Variants in TTLL9 observed in about 807,000 individuals in gnomAD.
TTLL9 encodes tubulin tyrosine ligase like 9, also known as probable tubulin polyglutamylase TTLL9.
Under a neutral mutation model 65.6 loss-of-function variants are expected in TTLL9, and 47 were observed. That is an observed-to-expected ratio of 0.72 (90% CI 0.57 to 0.91). The LOEUF (loss-of-function observed/expected upper bound fraction) is 0.91, where lower values mean the gene tolerates loss of function less well. Ranked by LOEUF, TTLL9 falls within the 40% of genes least tolerant of loss-of-function variation. TTLL9 has a pLI of 0.00. For synonymous variants in TTLL9, 179 were observed against 204.8 expected (o/e 0.87, Z 1.07); for missense variants, 537 against 568.8 (o/e 0.94, Z 0.57).
At chr20:31,933,060 T>G (rs115148411) in intron 10 of TTLL9, among the ~76,000 whole-genome samples, 1,900 of 152,266 alleles carry the variant, frequency 0.012, 34 homozygotes, top group African/African-American at 0.043. Flanking sequence ...GTGAAGATGT[T>G]GAGGAAGGAG....
intron 2 of TTLL9, among the ~76,000 whole-genome samples, chr20:31,885,655 C>T (rs992275951): frequency 3.3e-5 from 5 of 152,198 alleles, no homozygotes; most frequent in Admixed American, 2.6e-4. Context: ...GTTTCCTCCA[C>T]TCCTCTCCGC....
chr20:31,932,870 C>T (rs965471903), intron 10 of TTLL9, among the ~76,000 whole-genome samples: 4 of 152,226 alleles, frequency 2.6e-5, no homozygotes, highest in African/African-American at 4.8e-5. Flanking sequence ...GTGGTGGGCA[C>T]CTGTAATCCC....
chr20:31,904,482 T>C (rs574278961), intron 4 of TTLL9, among the ~76,000 whole-genome samples: 2 of 148,494 alleles, frequency 1.3e-5, no homozygotes, highest in East Asian at 4.1e-4. Flanking sequence ...CTCGGCCCCC[T>C]GAGTAGTTGG....
rs753855660 is a variant in TTLL9 at position 31,909,789 on chromosome 20, T to C, written c.371T>C (p.Leu124Pro). 1 of 1,614,196 alleles carries C rather than the reference T, an allele frequency of 6.2e-7. No individual in the cohort carries two copies. The highest frequency in any genetic ancestry group is 8.5e-7 in the Non-Finnish European group (1 of 1,180,044). The change falls in exon 6 of 15, where the codon CTG becomes CCG. Residue 124 changes from leucine to proline, a missense_variant. By Grantham distance (98) the Leu-to-Pro change is moderately conservative. Around this residue, in one of 3 missense-constraint regions of TTLL9, gnomAD observed 320 missense variants for 311.0 expected, o/e 1.03. Coordinates refer to ENST00000535842, the MANE Select transcript of TTLL9 (RefSeq NM_001008409.5). ...AACCTGAAGCGGTTCCGGAAGCAGC[T>C]GGAGCGTGAGGCAGGAAAGCTGGAG... is the stretch of plus-strand genomic sequence containing the variant. ...VKNLKRFRKQLEREAGKLEAA... is the reference protein window; with the variant it reads ...VKNLKRFRKQPEREAGKLEAA...
intron 4 of TTLL9, among the ~76,000 whole-genome samples, chr20:31,906,999 A>T (rs11907380): frequency 6.6e-6 from 1 of 152,174 alleles, no homozygotes; most frequent in Admixed American, 6.5e-5. Context: ...TGTTCACCCA[A>T]TGGAATGGGA....
intron 8 of TTLL9, among the ~76,000 whole-genome samples, chr20:31,923,410 G>T (rs1024239401): frequency 1.3e-5 from 2 of 152,174 alleles, no homozygotes; most frequent in African/African-American, 2.4e-5. Flanking sequence ...TGATGAGCAG[G>T]CTGCAATAAA....
At chr20:31,932,492 A>G (rs912263158) in intron 10 of TTLL9, among the ~76,000 whole-genome samples, 4 of 151,552 alleles carry the variant, frequency 2.6e-5, no homozygotes, top group Non-Finnish European at 5.9e-5. Context: ...AAAAGGTCTA[A>G]AGAAGACGTC....
At chr20:31,920,018 C>CA (rs1330876582) in intron 7 of TTLL9, 86 bp downstream of exon 7, 2 of 1,254,818 alleles carry the variant, frequency 1.6e-6, no homozygotes, top group African/African-American at 3.1e-5. Flanking sequence ...AATCAAAGCT[C>CA]AGAGGGCTGG....
At position 31,882,845 on chromosome 20, in the gene TTLL9, C is replaced by T. The variant is rs78252992; in HGVS notation, c.70-4351C>T. ...AACATCCTTTGAACTGTATAGCTGA[C>T]CTGTTTATGTGGAGGGGTAAGGATT... On this transcript the variant is annotated intron_variant, in intron 2 of 14. Coordinates refer to ENST00000535842, the MANE Select transcript of TTLL9 (RefSeq NM_001008409.5). Among the ~76,000 whole-genome samples, 7 of 152,290 alleles carry T rather than the reference C, an allele frequency of 4.6e-5. No homozygotes were observed. In the East Asian group the frequency reaches 1.3e-3, roughly 29 times the overall value.
intron 6 of TTLL9, among the ~76,000 whole-genome samples, chr20:31,919,170 A>G (rs1274194899): frequency 6.6e-6 from 1 of 152,254 alleles, no homozygotes; most frequent in African/African-American, 2.4e-5. Context: ...CAGACTGGCC[A>G]GTCTTAGCTC....
At chr20:31,890,744 T>A (rs947791153) in intron 3 of TTLL9, among the ~76,000 whole-genome samples, 1 of 152,190 alleles carries the variant, frequency 6.6e-6, no homozygotes, top group Non-Finnish European at 1.5e-5. Context: ...AAGTGAGAGA[T>A]GAGAGACTTA....
At chr20:31,900,273 A>T (rs2063458240) in intron 4 of TTLL9, among the ~76,000 whole-genome samples, 1 of 152,182 alleles carries the variant, frequency 6.6e-6, no homozygotes, top group South Asian at 2.1e-4. Flanking sequence ...TCATCCCAAC[A>T]AATCTTTCAG....
In TTLL9 at chr20:31,934,866, C is replaced by T. The variant is rs2064083512; in HGVS notation, c.982C>T (p.Leu328Phe). The change falls in exon 12 of 15, where the codon CTC becomes TTC. Residue 328 changes from leucine (L) to phenylalanine (F), a missense_variant. This residue lies in a region of TTLL9 where 205 missense variants were observed against 225.9 expected (regional missense o/e 0.91). Transcript: ENST00000535842. ...HCFELYGYDI[L>F]IDQDLKPWLL... Reference sequence around the variant, plus strand: ...CTTCGAGCTGTACGGCTATGACATCCTCATCGACCAGGACCTCAAGCCGTA... The same window carrying T: ...CTTCGAGCTGTACGGCTATGACATCTTCATCGACCAGGACCTCAAGCCGTA... 2 of 1,612,800 alleles carry T rather than the reference C, an allele frequency of 1.2e-6. No individual in the cohort carries two copies. Among genetic ancestry groups the T allele is most frequent in the Admixed American group, 3.3e-5 (2 of 59,932 alleles).
chr20:31,937,326 C>G, intron 12 of TTLL9, 70 bp from the exon 13 acceptor site: 1 of 1,057,008 alleles, frequency 9.5e-7, no homozygotes, highest in Non-Finnish European at 1.5e-6. Context: ...TCCATCTAGC[C>G]TCTCAGTGAA....
Position 31,933,789 on chromosome 20 carries a change from C to T in TTLL9, c.749-11C>T, listed in dbSNP as rs562806417. The T allele has an allele frequency of 6.2e-7, 1 of 1,613,690 alleles. No individual in the cohort carries two copies. The highest frequency in any genetic ancestry group is 1.7e-5 in the Admixed American group (1 of 60,008). On this transcript the variant is annotated splice_polypyrimidine_tract_variant and intron_variant, in intron 10 of 14. Coordinates refer to ENST00000535842, the MANE Select transcript of TTLL9 (RefSeq NM_001008409.5). ...TGTTCACGCTGACCCTTGACCACCA[C>T]CCTCTCCCAGATGTTCACCTCACCA...
chr20:31,898,685 CATTT>C, intron 4 of TTLL9, 120 bp downstream of exon 4: 1 of 762,718 alleles, frequency 1.3e-6, no homozygotes, highest in South Asian at 1.7e-5. Context: ...GTGGCTGTGA[CATTT>C]ATTTAGCACC....
intron 6 of TTLL9, among the ~76,000 whole-genome samples, chr20:31,916,405 A>G (rs2063733848): frequency 6.6e-6 from 1 of 152,176 alleles, no homozygotes. Flanking sequence ...GGAACTAGGT[A>G]TTAGGTGATT....
chr20:31,874,873 G>T (rs761172309), intron 2 of TTLL9, among the ~76,000 whole-genome samples: 3 of 152,124 alleles, frequency 2.0e-5, no homozygotes, highest in Admixed American at 6.5e-5. Context: ...TTTGCAGATC[G>T]AAGGGGGCCC....
chr20:31,942,639 A>C (rs773071895), intron 14 of TTLL9, among the ~76,000 whole-genome samples: 9 of 152,182 alleles, frequency 5.9e-5, no homozygotes, highest in Non-Finnish European at 1.2e-4. Flanking sequence ...CGAGGGCCAA[A>C]CAAATCCATC....
Sources: gnomAD v4.1 joint callset for allele counts (sites outside exome capture counted in the v4.1 genomes callset) on GRCh38, gnomAD v4.1.1 for gene constraint, gnomAD v4.1.1 regional missense constraint, MANE v1.5 for transcripts, NCBI Gene and HGNC (gene_info 2026-07-23, HGNC 2026-07-21) for gene names.